Variants in TRIM25 observed in about 807,000 individuals in gnomAD.
TRIM25 encodes tripartite motif containing 25, also known as E3 ubiquitin/ISG15 ligase TRIM25.
In TRIM25, 45 loss-of-function variants were observed where a neutral mutation model predicts 65.2. That is an observed-to-expected ratio of 0.69 (90% CI 0.54 to 0.89). TRIM25 has a LOEUF of 0.89. Among genes scored for constraint, TRIM25 ranks in the 40% least tolerant of loss-of-function variants. The pLI is 0.00. For synonymous variants in TRIM25, 321 were observed against 340.4 expected (o/e 0.94, Z 0.63); for missense variants, 714 against 803.7 (o/e 0.89, Z 1.35).
intron 7 of TRIM25, 23 bp from the exon 8 acceptor site, chr17:56,895,464 A>T: frequency 6.2e-7 from 1 of 1,614,062 alleles, no homozygotes; most frequent in African/African-American, 1.3e-5. Flanking sequence ...ACAGAGAGTG[A>T]TTTGCAGAAC....
intron 3 of TRIM25, 78 bp downstream of exon 3, chr17:56,904,174 CCTT>C: frequency 8.2e-7 from 1 of 1,226,324 alleles, no homozygotes; most frequent in East Asian, 2.3e-5. Flanking sequence ...GTCTCCCGCT[CCTT>C]GAGGGCCCTA....
rs79448343 is a variant in TRIM25 at position 56,903,026 on chromosome 17, A to C, written c.927+1229T>G. ...AAGCTTCCTTCCTCACCAAAGGCCT[A>C]ACTAAAAGCCAAACAGATGCTGGTG... On this transcript the variant is annotated intron_variant, in intron 3 of 8. Transcript: ENST00000316881. Among the ~76,000 whole-genome samples the C allele has an allele frequency of 9.2e-3, 1,407 of 152,294 alleles. 28 individuals are homozygous for C. The highest frequency in any genetic ancestry group is 0.032 in the African/African-American group (1,335 of 41,546).
intron 5 of TRIM25, among the ~76,000 whole-genome samples, chr17:56,896,660 C>A (rs1312295085): frequency 2.8e-5 from 4 of 141,646 alleles, no homozygotes; most frequent in Admixed American, 1.5e-4. Context: ...CAAAATGAGA[C>A]CCTGTCTCAA....
At chr17:56,905,058 A>T (rs1017183771) in intron 2 of TRIM25, among the ~76,000 whole-genome samples, 24 of 152,196 alleles carry the variant, frequency 1.6e-4, no homozygotes, top group Non-Finnish European at 2.1e-4. Flanking sequence ...AGAGGGATAG[A>T]ATAAGGGAGA....
At chr17:56,908,036 G>A (rs1239990827) in intron 2 of TRIM25, among the ~76,000 whole-genome samples, 1 of 152,148 alleles carries the variant, frequency 6.6e-6, no homozygotes, top group African/African-American at 2.4e-5. Flanking sequence ...TTGGACTTCT[G>A]GCCTCCAGAA....
chr17:56,904,293 G>C lies in TRIM25; in HGVS notation c.889C>G (p.Gln297Glu), dbSNP rs1268665666. ...AACTCATCCCTCTTGGTCAGGCTCTGTTCAATCTCCTCCTTCAAGGTCTGG... is the reference window on the plus strand; with the variant it reads ...AACTCATCCCTCTTGGTCAGGCTCTCTTCAATCTCCTCCTTCAAGGTCTGG... Reference protein sequence around the residue: ...EIQTLKEEIEQSLTKRDEFEF... With the variant: ...EIQTLKEEIEESLTKRDEFEF... Residue 297 changes from glutamine (Q) to glutamate (E), a missense_variant, in exon 3 of 9, where the codon CAG (glutamine) becomes GAG (glutamate). Gln to Glu is a conservative substitution (Grantham distance 29). This residue lies in a region of TRIM25 where 413 missense variants were observed against 498.2 expected (regional missense o/e 0.83). Coordinates refer to ENST00000316881, the MANE Select transcript of TRIM25 (RefSeq NM_005082.5). The C allele has an allele frequency of 6.2e-7, 1 of 1,613,622 alleles. No individual in the cohort carries two copies. The highest frequency in any genetic ancestry group is 1.7e-5 in the Admixed American group (1 of 59,936).
intron 1 of TRIM25, among the ~76,000 whole-genome samples, chr17:56,911,498 T>C (rs1909627388): frequency 6.6e-6 from 1 of 151,024 alleles, no homozygotes; most frequent in Non-Finnish European, 1.5e-5. Context: ...GAGAATCGCT[T>C]GAACTCGGGA....
chr17:56,890,142 C>A lies in TRIM25; in HGVS notation c.*1558G>T, dbSNP rs1693245628. The A allele has an allele frequency of 6.3e-6, 2 of 315,854 alleles. No individual in the cohort carries two copies. Among genetic ancestry groups the A allele is most frequent in the Non-Finnish European group, 1.2e-5 (2 of 172,594 alleles). 19.6% of individuals were successfully genotyped at this position (315,854 alleles called of 1,614,324 possible). ...GTCTCTAGTTCCCCAATGGTGACTT[C>A]TTTTCATATTATAGGAAGCCTGACA... On this transcript the variant is annotated 3_prime_UTR_variant, in exon 9 of 9. Transcript: ENST00000316881.
chr17:56,891,526 A>T lies in TRIM25; in HGVS notation c.*174T>A. The stretch of plus-strand genomic sequence containing the variant: ...ACGCCTCCTCGCCCACAACACAATC[A>T]CTCTCACCCCTTTCCTGGCTAAATC... On this transcript the variant is annotated 3_prime_UTR_variant, in exon 9 of 9. Transcript: ENST00000316881. 1.2e-6 allele frequency: 1 copy of T among 831,006 alleles called. No homozygotes were observed. The highest frequency in any genetic ancestry group is 1.8e-6 in the Non-Finnish European group (1 of 550,902). 51.5% of individuals were successfully genotyped at this position (831,006 alleles called of 1,614,324 possible).
intron 3 of TRIM25, among the ~76,000 whole-genome samples, chr17:56,903,900 G>T (rs1909465285): frequency 6.6e-6 from 1 of 152,008 alleles, no homozygotes; most frequent in Non-Finnish European, 1.5e-5. Flanking sequence ...CAACCATAAG[G>T]AACTAAATTC....
intron 1 of TRIM25, 34 bp from the exon 2 acceptor site, chr17:56,908,597 C>T (rs1265311472): frequency 6.3e-7 from 1 of 1,596,660 alleles, no homozygotes; most frequent in South Asian, 1.1e-5. Flanking sequence ...GAGAATGCAC[C>T]TCTTCAGCCC....
rs1909096154 is a variant in TRIM25, at chr17:56,888,296, C to T, written c.*3404G>A. ...CATAAGCTCAGGTGTGATCCCATGG[C>T]CTCACAAATAACAAAGACACTCCTA... On this transcript the variant is annotated 3_prime_UTR_variant, in exon 9 of 9. Transcript: ENST00000316881. 1 of 152,104 alleles carries T rather than the reference C, an allele frequency of 6.6e-6. No individual in the cohort carries two copies. The highest frequency in any genetic ancestry group is 1.5e-5 in the Non-Finnish European group (1 of 68,026). 9.4% of individuals were successfully genotyped at this position (152,104 alleles called of 1,614,324 possible). A position where few individuals can be genotyped will look rare whatever the true frequency, so the allele number is the denominator to read the frequency against.
In TRIM25 at chr17:56,913,354, G is replaced by T; in HGVS notation, c.597+38C>A. ...GTGGCCCCTCTGCACCACCCATCAG[G>T]CCAGGCTGCCCTCTGCACCCAGCAG... On this transcript the variant is annotated intron_variant, in intron 1 of 8. Transcript: ENST00000316881. This position sits in a 1 kb window ranked among gnomAD's most constrained non-coding sequence, Gnocchi z 6.1. The T allele has an allele frequency of 6.6e-7, 1 of 1,509,920 alleles. No individual in the cohort carries two copies. The highest frequency in any genetic ancestry group is 8.9e-7 in the Non-Finnish European group (1 of 1,126,352). The allele number at this position is 1,509,920 out of a possible 1,614,324, so 93.5% of individuals were successfully genotyped here.
chr17:56,890,302 C>T lies in TRIM25; in HGVS notation c.*1398G>A, dbSNP rs1876235327. The T allele has an allele frequency of 2.9e-6, 1 of 339,502 alleles. No individual in the cohort carries two copies. Among genetic ancestry groups the T allele is most frequent in the Admixed American group, 4.3e-5 (1 of 23,358 alleles). The allele number at this position is 339,502 out of a possible 1,614,324, so 21.0% of individuals were successfully genotyped here. A position where few individuals can be genotyped will look rare whatever the true frequency, so the allele number is the denominator to read the frequency against. The stretch of plus-strand genomic sequence containing the variant: ...TCCAGCCATCCATTCACTCCCGCCC[C>T]TTAGTGGACTGGGTTATTTTCACCA... On this transcript the variant is annotated 3_prime_UTR_variant, in exon 9 of 9. Transcript: ENST00000316881.
intron 1 of TRIM25, chr17:56,912,743 A>G (rs1442318754): frequency 6.6e-6 from 1 of 152,180 alleles, no homozygotes; most frequent in African/African-American, 2.4e-5. Context: ...GTAAAATGAA[A>G]CTAAATCATA....
chr17:56,896,572 G>A (rs1177270457), intron 5 of TRIM25, among the ~76,000 whole-genome samples: 1 of 151,918 alleles, frequency 6.6e-6, no homozygotes, highest in Non-Finnish European at 1.5e-5. Context: ...TGGGAGGTGA[G>A]GCAGAAGAAT....
At position 56,895,600 on chromosome 17, in the gene TRIM25, A is replaced by T. The variant is rs145330412; in HGVS notation, c.1185T>A (p.Pro395=). 2 of 1,562,142 alleles carry T rather than the reference A, an allele frequency of 1.3e-6. No individual in the cohort carries two copies. Among genetic ancestry groups the T allele is most frequent in the Non-Finnish European group, 1.7e-6 (2 of 1,152,326 alleles). ...KEEKKSKKPP[P]VPALPSKLPT... ...GAAGCTTGCTGGGTAAGGCAGGGAC[A>T]GGGGCTGGGGGTAAGGAAAGGGAAA... The change falls in exon 7 of 9, where the codon CCT becomes CCA. Residue 395 remains proline (P), a synonymous_variant. Transcript: ENST00000316881.
chr17:56,913,953 C>CGACAGCTCCTCGGCCAGGGGG lies in TRIM25; in HGVS notation c.15_35dup (p.Pro6_Ser12dup), dbSNP rs1909685232. On this transcript the variant is annotated inframe_insertion, in exon 1 of 9. Coordinates refer to ENST00000316881, the MANE Select transcript of TRIM25 (RefSeq NM_005082.5). The surrounding 1 kb of genome is among the most constrained non-coding windows in gnomAD (Gnocchi z 6.1). The stretch of plus-strand genomic sequence containing the variant: ...TGAAGGGCTCCAGGCAGATGGAGCA[C>CGACAGCTCCTCGGCCAGGGGG]GACAGCTCCTCGGCCAGGGGGCACA... 1 of 1,582,724 alleles carries CGACAGCTCCTCGGCCAGGGGG rather than the reference C, an allele frequency of 6.3e-7. No homozygotes were observed. Among genetic ancestry groups the CGACAGCTCCTCGGCCAGGGGG allele is most frequent in the Non-Finnish European group, 8.6e-7 (1 of 1,163,618 alleles).
chr17:56,905,188 AC>A (rs1909495749), intron 2 of TRIM25, among the ~76,000 whole-genome samples: 1 of 152,064 alleles, frequency 6.6e-6, no homozygotes, highest in Non-Finnish European at 1.5e-5. Context: ...ACATGGTGAA[AC>A]CCCATCTCTA....
Sources: allele counts gnomAD v4.1 joint callset (sites outside exome capture counted in the v4.1 genomes callset), GRCh38; gene constraint gnomAD v4.1.1; regional missense constraint gnomAD v4.1.1; non-coding constraint Gnocchi (gnomAD v3.1); transcripts MANE v1.5; gene names NCBI Gene and HGNC (gene_info 2026-07-23, HGNC 2026-07-21).